BROX: variants seen among roughly 807,000 people sequenced by gnomAD.
The protein encoded by BROX is BRO1 domain and CAAX motif containing.
In BROX, 53 loss-of-function variants were observed where a neutral mutation model predicts 61.0. The observed-to-expected ratio is 0.87, with a 90% CI of 0.70 to 1.09. The LOEUF is 1.09. BROX is among the 50% of genes least tolerant of loss of function. The pLI, the probability that BROX is intolerant of heterozygous loss-of-function variation, is 0.00. For synonymous variants in BROX, 152 were observed against 160.2 expected (o/e 0.95, Z 0.38); for missense variants, 489 against 472.0 (o/e 1.04, Z -0.33).
At chr1:222,719,174 G>A (rs1315663124) in intron 3 of BROX, 89 bp from the exon 4 acceptor site, 2 of 1,274,870 alleles carry the variant, frequency 1.6e-6, no homozygotes, top group African/African-American at 1.5e-5. Flanking sequence ...TCAGACACCT[G>A]GAAAAGTAAT....
rs753201364 is a variant in BROX, at chr1:222,728,828, T to C, written c.756T>C (p.Tyr252=). The change falls in exon 9 of 13, where the codon TAT becomes TAC. Residue 252 remains tyrosine, a splice_region_variant and synonymous_variant. Coordinates refer to ENST00000340934, the MANE Select transcript of BROX (RefSeq NM_144695.4). ...TGAAGATGTGTTTCTACACAGCTTA[T>C]GTAAGTATTCACAACGCTAAAAACA... ...LHLKMCFYTA[Y]AYCYHGETLL... The C allele has an allele frequency of 3.2e-6, 5 of 1,578,830 alleles. No homozygotes were observed. The South Asian group carries it at 4.6e-5, about 14-fold the overall frequency.
chr1:222,713,340 A>G (rs997982413), intron 1 of BROX: 1 of 985,764 alleles, frequency 1.0e-6, no homozygotes, highest in Non-Finnish European at 1.2e-6. Flanking sequence ...CGCTGCCTCG[A>G]ACGGGACTGG....
intron 8 of BROX, among the ~76,000 whole-genome samples, chr1:222,727,756 T>C (rs878909209): frequency 6.6e-6 from 1 of 152,170 alleles, no homozygotes; most frequent in Admixed American, 6.6e-5. Flanking sequence ...AAGACAAACA[T>C]GTAACCCCGT....
intron 2 of BROX, among the ~76,000 whole-genome samples, chr1:222,716,508 T>A (rs899638693): frequency 1.3e-5 from 2 of 152,244 alleles, no homozygotes; most frequent in African/African-American, 4.8e-5. Context: ...GAAAAAGTAC[T>A]TGAGATAGGC....
At position 222,715,811 on chromosome 1, in the gene BROX, T is replaced by G; in HGVS notation, c.101+11T>G. On this transcript the variant is annotated intron_variant, in intron 2 of 12. Transcript: ENST00000340934. The stretch of plus-strand genomic sequence containing the variant: ...TTCAAAAATATGCAAGTAAGTTTAT[T>G]GATTGAACCACTCTTAGATGCAAGG... 1.3e-6 allele frequency: 2 copies of G among 1,535,766 alleles called. No homozygotes were observed. Among genetic ancestry groups the G allele is most frequent in the South Asian group, 2.4e-5 (2 of 84,540 alleles).
chr1:222,731,582 T>G lies in BROX; in HGVS notation c.1149+66T>G, dbSNP rs766069841. On this transcript the variant is annotated intron_variant, in intron 12 of 12. Transcript: ENST00000340934. ...TTTAAAAGAAAATTCAGAGTTAGCA[T>G]TTTGATATTTTTCTCTAAATAGATA... The G allele has an allele frequency of 1.1e-4, 170 of 1,493,510 alleles. 1 individual carries two copies. Among genetic ancestry groups the G allele is most frequent in the Non-Finnish European group, 1.4e-4 (160 of 1,106,412 alleles). 92.5% of individuals were successfully genotyped at this position (1,493,510 alleles called of 1,614,324 possible).
intron 4 of BROX, among the ~76,000 whole-genome samples, chr1:222,722,071 A>C (rs1342189290): frequency 6.6e-6 from 1 of 152,216 alleles, no homozygotes; most frequent in Non-Finnish European, 1.5e-5. Flanking sequence ...GAATCGACTG[A>C]GTACTTGTTA....
intron 2 of BROX, among the ~76,000 whole-genome samples, chr1:222,718,536 C>T (rs1656809477): frequency 6.6e-6 from 1 of 152,020 alleles, no homozygotes; most frequent in South Asian, 2.1e-4. Context: ...TTATTGTGAA[C>T]TGCTTAGTTT....
rs775067918 is a variant in BROX at position 222,715,818 on chromosome 1, A to C, written c.101+18A>C. 6.6e-7 allele frequency: 1 copy of C among 1,514,834 alleles called. No individual in the cohort carries two copies. The highest frequency in any genetic ancestry group is 1.4e-5 in the African/African-American group (1 of 72,106). 93.8% of individuals were successfully genotyped at this position (1,514,834 alleles called of 1,614,324 possible). On this transcript the variant is annotated intron_variant, in intron 2 of 12. Transcript: ENST00000340934. ...ATATGCAAGTAAGTTTATTGATTGAACCACTCTTAGATGCAAGGTACTTTT... is the reference window on the plus strand; with the variant it reads ...ATATGCAAGTAAGTTTATTGATTGACCCACTCTTAGATGCAAGGTACTTTT...
At position 222,731,448 on chromosome 1, in the gene BROX, A is replaced by G. The variant is rs771468629; in HGVS notation, c.1081A>G (p.Thr361Ala). ...VEPIPFEFPPTSVQWTPETLA... is the reference protein window; with the variant it reads ...VEPIPFEFPPASVQWTPETLA... ...GCCTATACCTTTCGAATTTCCTCCT[A>G]CAAGTGTTCAGTGGACACCAGAAAC... Residue 361 changes from threonine (T) to alanine (A), a missense_variant, in exon 12 of 13, where the codon ACA becomes GCA. By Grantham distance (58) the Thr-to-Ala change is moderately conservative (BLOSUM62 0). Transcript: ENST00000340934. 17 of 1,604,706 alleles carry G rather than the reference A, an allele frequency of 1.1e-5. 2 individuals carry two copies. The South Asian group carries it at 1.7e-4, about 16-fold the overall frequency.
chr1:222,715,397 C>T (rs1656519940), intron 1 of BROX: 1 of 162,918 alleles, frequency 6.1e-6, no homozygotes, highest in Admixed American at 6.4e-5. Context: ...TGAACATAGA[C>T]CACCATAAAT....
chr1:222,729,929 A>G, intron 10 of BROX, 98 bp from the exon 11 acceptor site: 1 of 1,172,562 alleles, frequency 8.5e-7, no homozygotes, highest in Non-Finnish European at 1.2e-6. Flanking sequence ...TTAGGTAAAG[A>G]GCAGTAAATG....
intron 6 of BROX, among the ~76,000 whole-genome samples, chr1:222,725,040 G>A (rs1483671058): frequency 6.6e-6 from 1 of 152,072 alleles, no homozygotes; most frequent in Non-Finnish European, 1.5e-5. Flanking sequence ...TGATTCACCT[G>A]CCTCGGCCTC....
chr1:222,731,983 T>A (rs1387692791), intron 12 of BROX, among the ~76,000 whole-genome samples: 1 of 152,170 alleles, frequency 6.6e-6, no homozygotes, highest in African/African-American at 2.4e-5. Flanking sequence ...TAAGTGGAAA[T>A]TTTGAGGTCT....
intron 5 of BROX, among the ~76,000 whole-genome samples, chr1:222,722,809 A>G (rs192549161): frequency 1.3e-5 from 2 of 152,350 alleles, no homozygotes; most frequent in East Asian, 1.9e-4. Flanking sequence ...TAAAAAACAA[A>G]TGACAAGATT....
intron 1 of BROX, chr1:222,713,544 C>A (rs923810734): frequency 3.1e-6 from 2 of 654,176 alleles, no homozygotes; most frequent in African/African-American, 2.0e-5. Context: ...TAAAGGCACC[C>A]TTGTCCCTGC....
chr1:222,717,892 C>T (rs757816636), intron 2 of BROX: 7 of 152,350 alleles, frequency 4.6e-5, no homozygotes, highest in South Asian at 2.1e-4. Flanking sequence ...AGCCTCTACT[C>T]TCTTGGTGCT....
chr1:222,725,436 G>A lies in BROX; in HGVS notation c.475-14G>A, dbSNP rs141882942. ...GGCTGCTTTGTTTTTTGTCTTTTTT[G>A]TTGTTGTTCTCAGGAAAGTCATCTC... On this transcript the variant is annotated splice_polypyrimidine_tract_variant and intron_variant, in intron 6 of 12. Transcript: ENST00000340934. 1.8e-3 allele frequency: 2,877 copies of A among 1,555,294 alleles called. 41 individuals carry two copies. The African/African-American group carries it at 0.034, about 18-fold the overall frequency.
In BROX at chr1:222,730,021, A is replaced by T. The variant is rs752626008; in HGVS notation, c.839-6A>T. ...TCAAAAGACTTTAAATCTCTTTCAC[A>T]TGCAGTGTATGCAAAGGCAGAAGCA... On this transcript the variant is annotated splice_polypyrimidine_tract_variant and splice_region_variant and intron_variant, in intron 10 of 12. Coordinates refer to ENST00000340934, the MANE Select transcript of BROX (RefSeq NM_144695.4). The T allele has an allele frequency of 4.4e-6, 7 of 1,594,658 alleles. No individual in the cohort carries two copies. The highest frequency in any genetic ancestry group is 6.0e-6 in the Non-Finnish European group (7 of 1,174,054).
Sources: allele counts gnomAD v4.1 joint callset (sites outside exome capture counted in the v4.1 genomes callset), GRCh38; gene constraint gnomAD v4.1.1; transcripts MANE v1.5; gene names NCBI Gene and HGNC (gene_info 2026-07-23, HGNC 2026-07-21).